The following ANAPC1 variants were observed in gnomAD, a reference collection of about 807,000 sequenced individuals.
ANAPC1 encodes the protein anaphase promoting complex subunit 1.
In ANAPC1, 36 loss-of-function variants were observed where a neutral mutation model predicts 208.0. The observed-to-expected ratio is 0.17, with a 90% CI of 0.13 to 0.23. The LOEUF (loss-of-function observed/expected upper bound fraction) is 0.23. Among genes scored for constraint, ANAPC1 ranks in the 10% least tolerant of loss-of-function variants. The pLI, the probability that ANAPC1 is intolerant of heterozygous loss-of-function variation, is 1.00. For missense variants in ANAPC1, 942 were observed against 2,011.6 expected (o/e 0.47, Z 10.17); for synonymous variants, 378 against 695.2 (o/e 0.54, Z 7.18).
chr2:111,766,844 G>GA (rs1558649532), downstream of ANAPC1: 34 of 388,524 alleles, frequency 8.8e-5, no homozygotes, highest in African/African-American at 6.8e-4. Flanking sequence ...GAGACCCCCT[G>GA]AGCTGAGACA....
At chr2:111,873,117 C>T (rs1479839007) in intron 5 of ANAPC1, 191 bp downstream of exon 5, 1 of 639,752 alleles carries the variant, frequency 1.6e-6, no homozygotes, top group Non-Finnish European at 2.5e-6. Flanking sequence ...ATTTACTTCA[C>T]TAAATAACTT....
At chr2:111,874,552 TTAACA>T (rs1245234126) in intron 3 of ANAPC1, among the ~76,000 whole-genome samples, 1 of 152,120 alleles carries the variant, frequency 6.6e-6, no homozygotes, top group African/African-American at 2.4e-5. Flanking sequence ...TTTATTTCAC[TTAACA>T]TAATGTTTTC....
At chr2:111,837,096 T>A (rs191877875) in intron 18 of ANAPC1, among the ~76,000 whole-genome samples, 3 of 150,048 alleles carry the variant, frequency 2.0e-5, no homozygotes, top group African/African-American at 7.4e-5. Context: ...AGAAGAAGGA[T>A]AGATAAACAA....
rs183987822 is a variant in ANAPC1 at position 111,838,335 on chromosome 2, G to A, written c.2115+103C>T. Reference sequence around the variant, plus strand: ...CAGTATTAAAATAAATAAAGTGAAAGGTGTTGGAAAGATAGAGGAATTGAT... The same window carrying A: ...CAGTATTAAAATAAATAAAGTGAAAAGTGTTGGAAAGATAGAGGAATTGAT... On this transcript the variant is annotated intron_variant, in intron 18 of 47. Transcript: ENST00000341068. 2.2e-3 allele frequency: 1,768 copies of A among 797,240 alleles called. 31 individuals carry two copies. The African/African-American group carries it at 0.029, about 13-fold the overall frequency. 49.4% of individuals were successfully genotyped at this position (797,240 alleles called of 1,614,324 possible). A position where few individuals can be genotyped will look rare whatever the true frequency, so the allele number is the denominator to read the frequency against.
intron 17 of ANAPC1, among the ~76,000 whole-genome samples, chr2:111,840,643 G>GT (rs1037004131): frequency 6.6e-6 from 1 of 152,126 alleles, no homozygotes; most frequent in African/African-American, 2.4e-5. Flanking sequence ...AAGCTGACGC[G>GT]TTTTTTCATA....
rs1366771135 is a variant in ANAPC1, at chr2:111,788,225, T to C, written c.4799+9A>G. 6.2e-6 allele frequency: 10 copies of C among 1,612,038 alleles called. No homozygotes were observed. Among genetic ancestry groups the C allele is most frequent in the Middle Eastern group, 1.6e-4 (1 of 6,074 alleles). On this transcript the variant is annotated intron_variant, in intron 39 of 47. Transcript: ENST00000341068. Reference sequence around the variant, plus strand: ...AGTATCACATTGAAGACAGAATCACTAGACTCACCGGTTGTCAGTGCTGTG... The same window carrying C: ...AGTATCACATTGAAGACAGAATCACCAGACTCACCGGTTGTCAGTGCTGTG...
At chr2:111,775,335 T>G (rs1676949616) in intron 46 of ANAPC1, among the ~76,000 whole-genome samples, 1 of 152,190 alleles carries the variant, frequency 6.6e-6, no homozygotes, top group Non-Finnish European at 1.5e-5. Flanking sequence ...GTGTAGTGAT[T>G]TAATGGGTTA....
chr2:111,825,615 C>A (rs1168531756), intron 22 of ANAPC1, among the ~76,000 whole-genome samples, 162 bp downstream of exon 22: 1 of 152,118 alleles, frequency 6.6e-6, no homozygotes, highest in Non-Finnish European at 1.5e-5. Flanking sequence ...AATCCTGATA[C>A]CTGAAAATTA....
At chr2:111,823,542 A>G (rs574452607) in intron 24 of ANAPC1, among the ~76,000 whole-genome samples, 2 of 152,298 alleles carry the variant, frequency 1.3e-5, no homozygotes, top group East Asian at 1.9e-4. Flanking sequence ...CCGATTGTCT[A>G]TCATCAATAG....
chr2:111,854,970 A>G (rs182897128), intron 13 of ANAPC1, among the ~76,000 whole-genome samples: 5 of 152,192 alleles, frequency 3.3e-5, no homozygotes, highest in Non-Finnish European at 5.9e-5. Flanking sequence ...TCTGGCTCTC[A>G]ACCTATCTCA....
chr2:111,806,181 AAAAAATTTT>A (rs1678665741), intron 29 of ANAPC1, among the ~76,000 whole-genome samples: 1 of 132,866 alleles, frequency 7.5e-6, no homozygotes, highest in South Asian at 2.7e-4. Flanking sequence ...AAGTAGTAGA[AAAAAATTTT>A]AAAGGGAAAA....
chr2:111,856,675 A>G lies in ANAPC1; in HGVS notation c.1454T>C (p.Ile485Thr). ...GCCTTCCAAGACCAGCATGGTGTCT[A>G]TTTTCTAAAAAAACAAAAAAGACAA... is the stretch of plus-strand genomic sequence containing the variant. ...PAKDAAPVEK[I>T]DTMLVLEGSG... is the part of the protein sequence containing the mutation. The change falls in exon 13 of 48, where the codon ATA (isoleucine) becomes ACA (threonine). Residue 485 changes from isoleucine to threonine, a missense_variant. Ile to Thr is a moderately conservative substitution (Grantham distance 89). Transcript: ENST00000341068. The G allele has an allele frequency of 6.2e-7, 1 of 1,613,864 alleles. No individual in the cohort carries two copies. Among genetic ancestry groups the G allele is most frequent in the Non-Finnish European group, 8.5e-7 (1 of 1,179,824 alleles).
At chr2:111,847,983 A>G (rs1300906117) in intron 14 of ANAPC1, 118 bp from the exon 15 acceptor site, 16 of 768,020 alleles carry the variant, frequency 2.1e-5, no homozygotes, top group Admixed American at 6.8e-5. Flanking sequence ...TAATGATTCA[A>G]AAACATTCTG....
chr2:111,850,349 G>A (rs1319070692), intron 14 of ANAPC1, among the ~76,000 whole-genome samples: 1 of 151,988 alleles, frequency 6.6e-6, no homozygotes, highest in Non-Finnish European at 1.5e-5. Flanking sequence ...CAACCCCAAG[G>A]TCCAAACGAA....
chr2:111,870,150 C>T (rs762600856), intron 6 of ANAPC1, among the ~76,000 whole-genome samples: 3 of 152,206 alleles, frequency 2.0e-5, no homozygotes, highest in Non-Finnish European at 4.4e-5. Flanking sequence ...CTTATCTTTG[C>T]AATTGTGAAT....
chr2:111,825,001 A>G lies in ANAPC1; in HGVS notation c.2777T>C (p.Leu926Pro). Residue 926 changes from leucine to proline, a missense_variant, in exon 24 of 48, where the codon CTA (leucine) becomes CCA (proline). Leu to Pro is a moderately conservative substitution (Grantham distance 98). Transcript: ENST00000341068. ...SFRHSTSVSSLAERLVVWMTN... is the reference protein window; with the variant it reads ...SFRHSTSVSSPAERLVVWMTN... Reference sequence around the variant, plus strand: ...CATCCAGACAACCAATCTTTCAGCTAGACTAGAAACAGATGTAGAATGCCT... The same window carrying G: ...CATCCAGACAACCAATCTTTCAGCTGGACTAGAAACAGATGTAGAATGCCT... 1.2e-6 allele frequency: 2 copies of G among 1,613,982 alleles called. No individual in the cohort carries two copies. Among genetic ancestry groups the G allele is most frequent in the Non-Finnish European group, 8.5e-7 (1 of 1,179,880 alleles).
At chr2:111,863,511 CAAAAAAAAAAAA>C (rs372062409) in intron 9 of ANAPC1, among the ~76,000 whole-genome samples, 152 bp downstream of exon 9, 1 of 122,570 alleles carries the variant, frequency 8.2e-6, no homozygotes, top group Non-Finnish European at 1.7e-5. Context: ...GACTCCGTCT[CAAAAAAAAAAAA>C]AAAAAAAAAG....
intron 16 of ANAPC1, 24 bp from the exon 17 acceptor site, chr2:111,843,623 T>C: frequency 6.3e-7 from 1 of 1,581,682 alleles, no homozygotes; most frequent in South Asian, 1.1e-5. Context: ...AGATTAATTT[T>C]AGTATTCTTA....
intron 21 of ANAPC1, among the ~76,000 whole-genome samples, chr2:111,826,478 CTTT>C (rs1679838337): frequency 6.6e-6 from 1 of 152,234 alleles, no homozygotes; most frequent in South Asian, 2.1e-4. Context: ...TGTGCTACTT[CTTT>C]AACTTAGCAT....
Sources: allele counts gnomAD v4.1 joint callset (sites outside exome capture counted in the v4.1 genomes callset), GRCh38; gene constraint gnomAD v4.1.1; transcripts MANE v1.5; gene names NCBI Gene and HGNC (gene_info 2026-07-23, HGNC 2026-07-21).